DIXDC1: variants seen among roughly 807,000 people sequenced by gnomAD.
The protein encoded by DIXDC1 is DIX domain containing 1.
Under a neutral mutation model 103.1 loss-of-function variants are expected in DIXDC1, and 64 were observed. The observed-to-expected ratio is 0.62, with a 90% CI of 0.51 to 0.76. DIXDC1 has a LOEUF of 0.76. Among genes scored for constraint, DIXDC1 ranks in the 30% least tolerant of loss-of-function variants. The pLI is 0.00. For synonymous variants in DIXDC1, 266 were observed against 298.5 expected (o/e 0.89, Z 1.12); for missense variants, 759 against 834.2 (o/e 0.91, Z 1.11).
intron 2 of DIXDC1, among the ~76,000 whole-genome samples, chr11:111,965,912 A>G (rs1419326721): frequency 6.6e-6 from 1 of 152,204 alleles, no homozygotes; most frequent in Non-Finnish European, 1.5e-5. Context: ...GATCTGCTTT[A>G]ATTCCAAAGC....
At chr11:111,985,068 C>G (rs1860443248) in intron 7 of DIXDC1, among the ~76,000 whole-genome samples, 164 bp from the exon 8 acceptor site, 3 of 152,162 alleles carry the variant, frequency 2.0e-5, no homozygotes, top group African/African-American at 7.2e-5. Flanking sequence ...AGGAACTAGT[C>G]CCAGGGTGAG....
chr11:111,937,749 G>A (rs587715356), intron 1 of DIXDC1, among the ~76,000 whole-genome samples, 190 bp downstream of exon 1: 1 of 152,298 alleles, frequency 6.6e-6, no homozygotes, highest in South Asian at 2.1e-4. Context: ...AGGGCTGCCT[G>A]CCCACAGCTA....
Position 111,982,788 on chromosome 11 carries a change from G to A in DIXDC1, c.918+301G>A, listed in dbSNP as rs587709838. 1.7e-4 allele frequency among the ~76,000 whole-genome samples: 26 copies of A among 152,324 alleles called. 2 individuals are homozygous for A. The South Asian group carries it at 5.4e-3, about 32-fold the overall frequency. On this transcript the variant is annotated intron_variant, in intron 7 of 19. Coordinates refer to ENST00000440460, the MANE Select transcript of DIXDC1 (RefSeq NM_001037954.4). ...ACATAGGTGGGCTTCTACCCTGTAT[G>A]TGGCTGCAGACCTGCAATTGCAGCT...
At chr11:112,011,466 G>A (rs1861417969) in intron 17 of DIXDC1, among the ~76,000 whole-genome samples, 1 of 152,148 alleles carries the variant, frequency 6.6e-6, no homozygotes, top group African/African-American at 2.4e-5. Context: ...TATACCCAAA[G>A]GATTATAAAT....
At chr11:111,989,409 G>C (rs1167021979) in intron 10 of DIXDC1, among the ~76,000 whole-genome samples, 1 of 152,092 alleles carries the variant, frequency 6.6e-6, no homozygotes, top group Non-Finnish European at 1.5e-5. Context: ...CGGATCACGA[G>C]GTCAGGAGTT....
At chr11:111,929,042 G>A (rs920520433) in intron 1 of DIXDC1, among the ~76,000 whole-genome samples, 4 of 152,048 alleles carry the variant, frequency 2.6e-5, no homozygotes, top group Non-Finnish European at 5.9e-5. Context: ...AGCTGGGCAT[G>A]GTGGCACGTG....
chr11:112,001,921 T>TACAAA (rs1861079783), intron 17 of DIXDC1, among the ~76,000 whole-genome samples: 1 of 152,046 alleles, frequency 6.6e-6, no homozygotes. Flanking sequence ...CACACCTGGC[T>TACAAA]AATTTTTGTA....
intron 3 of DIXDC1, among the ~76,000 whole-genome samples, chr11:111,969,486 G>A (rs1859841871): frequency 1.3e-5 from 2 of 152,086 alleles, no homozygotes; most frequent in South Asian, 4.1e-4. Context: ...TAGGCAGGAT[G>A]AAAGCAGCTC....
At chr11:111,950,438 ATTTTTTTTTTTTTTT>A (rs59473485) in intron 1 of DIXDC1, among the ~76,000 whole-genome samples, 26 of 15,144 alleles carry the variant, frequency 1.7e-3, no homozygotes, top group African/African-American at 5.2e-3. Context: ...ATATATATAT[ATTTTTTTTTTTTTTT>A]TTTTTTTTTT....
At chr11:111,990,129 C>T (rs1485799539) in intron 10 of DIXDC1, among the ~76,000 whole-genome samples, 9 of 107,702 alleles carry the variant, frequency 8.4e-5, no homozygotes, top group African/African-American at 1.1e-4. Context: ...CTCACTCTGT[C>T]GCCCAAGCTG....
chr11:111,989,127 G>C (rs1409983212), intron 10 of DIXDC1, 72 bp downstream of exon 10: 20 of 1,330,840 alleles, frequency 1.5e-5, no homozygotes, highest in Non-Finnish European at 1.9e-5. Context: ...TGAGTGGTGA[G>C]AGTTGGAATT....
chr11:111,977,718 TC>T lies in DIXDC1; in HGVS notation c.656+2738del. On this transcript the variant is annotated intron_variant, in intron 5 of 19. Transcript: ENST00000440460. The surrounding 1 kb of genome is among the most constrained non-coding windows in gnomAD (Gnocchi z 6.1). ...TTTGGGAGCGATGTGACTCTCAGCCTCCCACTTCACCCGGGGACGCAGGCTT... is the reference window on the plus strand; with the variant it reads ...TTTGGGAGCGATGTGACTCTCAGCCTCCACTTCACCCGGGGACGCAGGCTT... 1 of 1,550,334 alleles carries T rather than the reference TC, an allele frequency of 6.5e-7. No individual in the cohort carries two copies. The highest frequency in any genetic ancestry group is 8.7e-7 in the Non-Finnish European group (1 of 1,146,602).
intron 10 of DIXDC1, among the ~76,000 whole-genome samples, chr11:111,992,009 G>T (rs147076115): frequency 9.6e-4 from 146 of 152,314 alleles, no homozygotes; most frequent in African/African-American, 3.1e-3. Context: ...GAAAGCCCAG[G>T]TGGGAGAAAG....
chr11:111,984,916 T>C (rs587687712), intron 7 of DIXDC1, among the ~76,000 whole-genome samples: 1 of 152,316 alleles, frequency 6.6e-6, no homozygotes, highest in African/African-American at 2.4e-5. Context: ...AAATTGAGTT[T>C]GAGCAGCTCC....
At chr11:111,984,792 AAAATC>A (rs1299942089) in intron 7 of DIXDC1, among the ~76,000 whole-genome samples, 5 of 152,204 alleles carry the variant, frequency 3.3e-5, no homozygotes, top group African/African-American at 1.2e-4. Context: ...AAAACAAAGA[AAAATC>A]AAACAAACCC....
At chr11:111,993,067 T>C in intron 12 of DIXDC1, 63 bp downstream of exon 12, 1 of 1,516,254 alleles carries the variant, frequency 6.6e-7, no homozygotes, top group Non-Finnish European at 8.9e-7. Flanking sequence ...CCCGTTATTG[T>C]TGCTCAAAAA....
intron 17 of DIXDC1, among the ~76,000 whole-genome samples, chr11:112,014,979 G>A (rs1861543056): frequency 6.6e-6 from 1 of 151,844 alleles, no homozygotes; most frequent in Non-Finnish European, 1.5e-5. Context: ...CTGCCTCCCA[G>A]GTTCAAGCGA....
At position 111,958,521 on chromosome 11, in the gene DIXDC1, T is replaced by G. The variant is rs183251556; in HGVS notation, c.61-6028T>G. ...TATGCCAGCCCCCTGCTGCCTTAGC[T>G]CCCTCTGGACTTTGGGTGCCGAAAA... On this transcript the variant is annotated intron_variant, in intron 1 of 19. Transcript: ENST00000440460. This position sits in a 1 kb window ranked among gnomAD's most constrained non-coding sequence, Gnocchi z 4.2. Among the ~76,000 whole-genome samples the G allele has an allele frequency of 3.9e-5, 6 of 152,188 alleles. No individual in the cohort carries two copies. In the East Asian group the frequency reaches 1.2e-3, roughly 30 times the overall value.
chr11:112,020,508 C>T lies in DIXDC1; in HGVS notation c.*1472C>T, dbSNP rs1361303200. 6.6e-6 allele frequency: 1 copy of T among 152,448 alleles called. No homozygotes were observed. Among genetic ancestry groups the T allele is most frequent in the African/African-American group, 2.4e-5 (1 of 41,452 alleles). The allele number at this position is 152,448 out of a possible 1,614,324, so 9.4% of individuals were successfully genotyped here. ...TCTTTTGTACTCATTTGCTTTTTGT[C>T]TGAGAACCATGTCTATTTTTATAAC... is the stretch of plus-strand genomic sequence containing the variant. On this transcript the variant is annotated 3_prime_UTR_variant, in exon 20 of 20. Coordinates refer to ENST00000440460, the MANE Select transcript of DIXDC1 (RefSeq NM_001037954.4).
Sources: gnomAD v4.1 joint callset for allele counts (sites outside exome capture counted in the v4.1 genomes callset) on GRCh38, gnomAD v4.1.1 for gene constraint, Gnocchi (gnomAD v3.1) non-coding constraint, MANE v1.5 for transcripts, NCBI Gene and HGNC (gene_info 2026-07-23, HGNC 2026-07-21) for gene names.